CADM2: variants seen among roughly 807,000 people sequenced by gnomAD.
The protein encoded by CADM2 is cell adhesion molecule 2.
A neutral mutation model predicts 49.8 loss-of-function variants in CADM2; 12 were observed. That is an observed-to-expected ratio of 0.24 (90% CI 0.15 to 0.39). The LOEUF is 0.39. Among genes scored for constraint, CADM2 ranks in the 10% least tolerant of loss-of-function variants. CADM2 has a pLI of 1.00. For synonymous variants in CADM2, 214 were observed against 175.4 expected (o/e 1.22, Z -1.74); for missense variants, 378 against 492.3 (o/e 0.77, Z 2.20).
chr3:85,304,198 T>G (rs2044163363), intron 1 of CADM2, among the ~76,000 whole-genome samples: 1 of 151,770 alleles, frequency 6.6e-6, no homozygotes, highest in Non-Finnish European at 1.5e-5. Context: ...AGTCCAGAGA[T>G]TTGTGATTGT....
chr3:85,797,641 T>G (rs774611595), intron 2 of CADM2, among the ~76,000 whole-genome samples: 2 of 152,212 alleles, frequency 1.3e-5, no homozygotes, highest in Non-Finnish European at 2.9e-5. Context: ...TGCCACATTT[T>G]CTTTATCCAG....
intron 8 of CADM2, among the ~76,000 whole-genome samples, chr3:85,973,121 A>G (rs1226074765): frequency 1.3e-5 from 2 of 151,820 alleles, no homozygotes; most frequent in African/African-American, 4.8e-5. Context: ...AACCATGTAT[A>G]AGCTTCTGTT....
intron 1 of CADM2, among the ~76,000 whole-genome samples, chr3:85,088,239 TA>T: frequency 6.6e-6 from 1 of 152,246 alleles, no homozygotes; most frequent in South Asian, 2.1e-4. Context: ...ATACAAAAAG[TA>T]ATGGCTCAAG....
intron 1 of CADM2, among the ~76,000 whole-genome samples, chr3:85,012,656 T>C (rs969263513): frequency 2.0e-5 from 3 of 151,060 alleles, no homozygotes; most frequent in Admixed American, 2.0e-4. Context: ...CTTCATAAAG[T>C]ACAAAAAGAA....
At chr3:85,606,614 T>C (rs2063545634) in intron 1 of CADM2, among the ~76,000 whole-genome samples, 1 of 152,048 alleles carries the variant, frequency 6.6e-6, no homozygotes, top group South Asian at 2.1e-4. Flanking sequence ...CTACAGGCAA[T>C]CAGAGAATCA....
chr3:85,634,254 A>G (rs1271292430), intron 1 of CADM2, among the ~76,000 whole-genome samples: 1 of 151,976 alleles, frequency 6.6e-6, no homozygotes, highest in Non-Finnish European at 1.5e-5. Flanking sequence ...TTATAAAGAG[A>G]ATATTTTACT....
intron 1 of CADM2, among the ~76,000 whole-genome samples, chr3:85,128,238 G>T (rs552884088): frequency 6.6e-6 from 1 of 152,128 alleles, no homozygotes; most frequent in Admixed American, 6.6e-5. Context: ...CTTTTTAAGA[G>T]TTCAGCTGCG....
chr3:85,287,280 CT>C (rs936646567), intron 1 of CADM2, among the ~76,000 whole-genome samples: 258 of 146,188 alleles, frequency 1.8e-3, no homozygotes, highest in African/African-American at 5.5e-3. Flanking sequence ...TATGTCCATA[CT>C]TTTTTTTTTT....
chr3:85,004,853 T>C (rs558730840), intron 1 of CADM2, among the ~76,000 whole-genome samples: 2 of 152,272 alleles, frequency 1.3e-5, no homozygotes. Flanking sequence ...ATCATCCATT[T>C]TGTCTTTTCA....
chr3:85,141,423 TA>T, intron 1 of CADM2, among the ~76,000 whole-genome samples: 1 of 152,164 alleles, frequency 6.6e-6, no homozygotes, highest in East Asian at 1.9e-4. Flanking sequence ...TAAAAACGTT[TA>T]TTCTGTAGGA....
intron 1 of CADM2, among the ~76,000 whole-genome samples, chr3:85,035,330 C>A (rs1354581803): frequency 1.3e-5 from 2 of 152,178 alleles, no homozygotes; most frequent in Non-Finnish European, 2.9e-5. Flanking sequence ...AATTCATTGT[C>A]TGATGGCTAG....
rs74900769 is a variant in CADM2, at chr3:85,817,791, C to A, written c.238+15595C>A. Reference sequence around the variant, plus strand: ...CTGCACCACTGCACTCCAGCGTCGGCGACAGAGCGAGACTTCCTCTCAAAA... The same window carrying A: ...CTGCACCACTGCACTCCAGCGTCGGAGACAGAGCGAGACTTCCTCTCAAAA... On this transcript the variant is annotated intron_variant, in intron 3 of 9. Coordinates refer to ENST00000383699, the MANE Select transcript of CADM2 (RefSeq NM_001167675.2). Among the ~76,000 whole-genome samples, 193 of 151,880 alleles carry A rather than the reference C, an allele frequency of 1.3e-3. 1 individual carries two copies. Among genetic ancestry groups the A allele is most frequent in the Middle Eastern group, 0.01 (3 of 294 alleles).
At chr3:86,009,065 G>C (rs1731150670) in intron 8 of CADM2, among the ~76,000 whole-genome samples, 1 of 148,686 alleles carries the variant, frequency 6.7e-6, no homozygotes, top group Admixed American at 6.8e-5. Context: ...AAACTTACAA[G>C]TTTAATAAAT....
chr3:85,178,829 T>G (rs2040852851), intron 1 of CADM2, among the ~76,000 whole-genome samples: 1 of 151,842 alleles, frequency 6.6e-6, no homozygotes, highest in African/African-American at 2.4e-5. Flanking sequence ...GTACGTTTAC[T>G]TCTGAAAGTT....
chr3:85,397,309 A>G (rs1412690963), intron 1 of CADM2, among the ~76,000 whole-genome samples: 5 of 152,166 alleles, frequency 3.3e-5, no homozygotes, highest in Non-Finnish European at 5.9e-5. Flanking sequence ...TCACTGTGGA[A>G]CAGAAGCTTT....
intron 1 of CADM2, among the ~76,000 whole-genome samples, chr3:85,452,932 C>T (rs1183346130): frequency 2.6e-5 from 4 of 152,082 alleles, no homozygotes; most frequent in Non-Finnish European, 5.9e-5. Flanking sequence ...GACTTACAAA[C>T]GCACAGACAC....
intron 1 of CADM2, among the ~76,000 whole-genome samples, chr3:85,559,520 T>C (rs2062037498): frequency 1.3e-5 from 2 of 152,186 alleles, no homozygotes; most frequent in South Asian, 4.1e-4. Context: ...CTACAGCTTA[T>C]TGCCTTGACT....
At chr3:85,406,349 TA>T (rs2035376873) in intron 1 of CADM2, among the ~76,000 whole-genome samples, 1 of 152,166 alleles carries the variant, frequency 6.6e-6, no homozygotes, top group African/African-American at 2.4e-5. Context: ...ACATCACAAA[TA>T]TTTTTTGAAA....
intron 2 of CADM2, among the ~76,000 whole-genome samples, chr3:85,773,735 T>C (rs776454135): frequency 2.0e-5 from 3 of 151,952 alleles, no homozygotes; most frequent in Non-Finnish European, 2.9e-5. Context: ...TTCTCATACT[T>C]TAAGTTCCGT....
Sources: gnomAD v4.1 joint callset for allele counts (sites outside exome capture counted in the v4.1 genomes callset) on GRCh38, gnomAD v4.1.1 for gene constraint, MANE v1.5 for transcripts, NCBI Gene and HGNC (gene_info 2026-07-23, HGNC 2026-07-21) for gene names.